The following VPS13B variants were observed in gnomAD, a reference collection of about 807,000 sequenced individuals.
The protein encoded by VPS13B is intermembrane lipid transfer protein VPS13B.
Under a neutral mutation model 426.4 loss-of-function variants are expected in VPS13B, and 285 were observed. The ratio of observed to expected loss-of-function variants is 0.67; its 90% confidence interval spans 0.61 to 0.74. The LOEUF is 0.74. Among genes scored for constraint, VPS13B ranks in the 30% least tolerant of loss-of-function variants. The pLI, the probability that VPS13B is intolerant of heterozygous loss-of-function variation, is 0.00. For missense variants in VPS13B, 4,537 were observed against 4,782.6 expected, an observed-to-expected ratio of 0.95 and a Z score of 1.51; for synonymous variants, 1,676 against 1,676.4, an observed-to-expected ratio of 1.00 and a Z score of 0.01.
chr8:99,403,548 C>CAA (rs200871879), intron 21 of VPS13B, among the ~76,000 whole-genome samples: 65 of 91,534 alleles, frequency 7.1e-4, no homozygotes, highest in African/African-American at 1.7e-3. Context: ...GACTCTGTCT[C>CAA]AAAAAAAAAA....
rs180684775 is a variant in VPS13B at position 99,714,967 on chromosome 8, A to T, written c.6455-2204A>T. On this transcript the variant is annotated intron_variant, in intron 36 of 61. Coordinates refer to ENST00000357162, the MANE Select transcript of VPS13B (RefSeq NM_152564.5). ...TAGATTATTTAAAAGTATTATATCA[A>T]TGTGGATTTCCTGATTTCAGTATTT... Among the ~76,000 whole-genome samples, 115 of 152,134 alleles carry T rather than the reference A, an allele frequency of 7.6e-4. 1 individual carries two copies. The highest frequency in any genetic ancestry group is 2.8e-3 in the Admixed American group (43 of 15,282).
chr8:99,644,593 A>G (rs1380334261), intron 34 of VPS13B, among the ~76,000 whole-genome samples: 2 of 152,136 alleles, frequency 1.3e-5, no homozygotes, highest in Non-Finnish European at 2.9e-5. Flanking sequence ...GTAGGAGGAA[A>G]AAGGCTCACA....
intron 19 of VPS13B, among the ~76,000 whole-genome samples, chr8:99,357,227 G>T (rs1812228573): frequency 6.6e-6 from 1 of 152,116 alleles, no homozygotes; most frequent in African/African-American, 2.4e-5. Flanking sequence ...TCTCCAGAAA[G>T]ATTCAGTTCA....
At chr8:99,414,058 G>T (rs1272257183) in intron 21 of VPS13B, among the ~76,000 whole-genome samples, 1 of 152,164 alleles carries the variant, frequency 6.6e-6, no homozygotes, top group Non-Finnish European at 1.5e-5. Context: ...TTGTGTGGGA[G>T]TCTAAGTCTC....
chr8:99,741,168 G>A (rs1809701207), intron 39 of VPS13B, among the ~76,000 whole-genome samples: 1 of 152,122 alleles, frequency 6.6e-6, no homozygotes, highest in Non-Finnish European at 1.5e-5. Context: ...GGCAAGGGTT[G>A]CAATCCTAGT....
intron 58 of VPS13B, chr8:99,867,967 C>T (rs1817189315): frequency 2.7e-6 from 1 of 365,542 alleles, no homozygotes; most frequent in Non-Finnish European, 5.3e-6. Context: ...TCCTCTCTCT[C>T]AACTTTGTTG....
chr8:99,380,974 G>A (rs1277476053), intron 19 of VPS13B, among the ~76,000 whole-genome samples: 3 of 149,726 alleles, frequency 2.0e-5, no homozygotes, highest in East Asian at 2.0e-4. Flanking sequence ...GGGATTTATT[G>A]TGCAGATTAT....
intron 3 of VPS13B, among the ~76,000 whole-genome samples, chr8:99,052,820 G>A (rs1015515466): frequency 4.6e-5 from 7 of 152,206 alleles, no homozygotes; most frequent in African/African-American, 1.7e-4. Flanking sequence ...TATTTGCATA[G>A]AGATGTTTGT....
chr8:99,318,047 G>T (rs895842834), intron 19 of VPS13B, among the ~76,000 whole-genome samples: 3 of 152,134 alleles, frequency 2.0e-5, no homozygotes, highest in Non-Finnish European at 4.4e-5. Flanking sequence ...TTAAAACTTT[G>T]ACAGTAGTTT....
intron 44 of VPS13B, among the ~76,000 whole-genome samples, chr8:99,815,337 A>G (rs1164482097): frequency 1.3e-5 from 2 of 152,092 alleles, no homozygotes; most frequent in East Asian, 3.9e-4. Flanking sequence ...TCAAGACCCA[A>G]GAAGAGCTGA....
chr8:99,154,368 T>G (rs969866825), intron 14 of VPS13B, among the ~76,000 whole-genome samples: 7 of 150,422 alleles, frequency 4.7e-5, no homozygotes, highest in African/African-American at 7.4e-5. Context: ...ATATTCCGGG[T>G]TTTTTTTTGG....
chr8:99,679,877 A>G (rs919558123), intron 35 of VPS13B, among the ~76,000 whole-genome samples: 3 of 152,220 alleles, frequency 2.0e-5, no homozygotes, highest in African/African-American at 7.2e-5. Context: ...GAATAAGAGA[A>G]AAAAATATTA....
intron 36 of VPS13B, among the ~76,000 whole-genome samples, chr8:99,706,075 A>G (rs957367020): frequency 2.6e-5 from 4 of 152,258 alleles, no homozygotes; most frequent in African/African-American, 7.2e-5. Flanking sequence ...AAAAACAAGC[A>G]GAATTCCTGG....
intron 4 of VPS13B, among the ~76,000 whole-genome samples, chr8:99,098,688 T>G (rs1846561044): frequency 6.6e-6 from 1 of 152,154 alleles, no homozygotes; most frequent in South Asian, 2.1e-4. Context: ...TGGCATAAAA[T>G]GGCTAAATTA....
At chr8:99,736,110 A>G (rs1833819597) in intron 39 of VPS13B, among the ~76,000 whole-genome samples, 1 of 152,172 alleles carries the variant, frequency 6.6e-6, no homozygotes, top group Non-Finnish European at 1.5e-5. Flanking sequence ...ATTGCTCAGT[A>G]TGTGTGGAAA....
chr8:99,677,950 T>C (rs1490187684), intron 35 of VPS13B, among the ~76,000 whole-genome samples: 4 of 152,204 alleles, frequency 2.6e-5, no homozygotes, highest in Non-Finnish European at 1.5e-5. Context: ...GCCTTTCCAT[T>C]GACACAGTCT....
At chr8:99,181,496 G>A (rs1023917152) in intron 16 of VPS13B, among the ~76,000 whole-genome samples, 8 of 152,168 alleles carry the variant, frequency 5.3e-5, no homozygotes, top group Non-Finnish European at 8.8e-5. Context: ...GGCTGAGAAA[G>A]TCTTTGTGTC....
At chr8:99,198,256 A>C (rs1454696530) in intron 17 of VPS13B, among the ~76,000 whole-genome samples, 2 of 152,090 alleles carry the variant, frequency 1.3e-5, no homozygotes, top group Non-Finnish European at 2.9e-5. Flanking sequence ...AAACTGTCTA[A>C]TTCATTTATT....
At chr8:99,366,677 T>A (rs941163678) in intron 19 of VPS13B, among the ~76,000 whole-genome samples, 1 of 152,054 alleles carries the variant, frequency 6.6e-6, no homozygotes, top group Non-Finnish European at 1.5e-5. Flanking sequence ...TCTTTTCTAT[T>A]TTCCTGTCTT....
Sources: allele counts gnomAD v4.1 joint callset (sites outside exome capture counted in the v4.1 genomes callset), GRCh38; gene constraint gnomAD v4.1.1; transcripts MANE v1.5; gene names NCBI Gene and HGNC (gene_info 2026-07-23, HGNC 2026-07-21).